Variants in SOBP observed in about 807,000 individuals in gnomAD.
SOBP encodes sine oculis-binding protein homolog.
Under a neutral mutation model 53.6 loss-of-function variants are expected in SOBP, and 4 were observed. The ratio of observed to expected loss-of-function variants is 0.07; its 90% CI spans 0.04 to 0.17. SOBP has a LOEUF of 0.17. SOBP is among the 10% of genes least tolerant of loss of function. The pLI, the probability that SOBP is intolerant of heterozygous loss-of-function variation, is 1.00. For missense variants in SOBP, 1,088 were observed against 1,204.7 expected, an observed-to-expected ratio of 0.90 and a Z score of 1.43; for synonymous variants, 584 against 522.6, an observed-to-expected ratio of 1.12 and a Z score of -1.60.
intron 3 of SOBP, 43 bp from the exon 4 acceptor site, chr6:107,533,416 G>A (rs1783899897): frequency 5.0e-6 from 8 of 1,608,536 alleles, no homozygotes; most frequent in Non-Finnish European, 6.8e-6. Context: ...TTGAAGGGAT[G>A]TTTGCTTCTG....
Position 107,634,730 on chromosome 6 carries a change from G to GC in SOBP, c.1892dup (p.Ala636ArgfsTer101). Reference sequence around the variant, plus strand: ...GTGGACCTGACGCGGCGCGCCGGCAGCCCCCCGGGCCCCCCGGGCGCGGGC... The same window carrying GC: ...GTGGACCTGACGCGGCGCGCCGGCAGCCCCCCCGGGCCCCCCGGGCGCGGGC... On this transcript the variant is annotated frameshift_variant, in exon 6 of 7. Coordinates refer to ENST00000317357, the MANE Select transcript of SOBP (RefSeq NM_018013.4). LOFTEE classifies it high-confidence loss of function. This position sits in a 1 kb window ranked among gnomAD's most constrained non-coding sequence, Gnocchi z 4.5. 4.5e-6 allele frequency: 6 copies of GC among 1,322,032 alleles called. No individual in the cohort carries two copies. The highest frequency in any genetic ancestry group is 4.2e-5 in the South Asian group (2 of 47,772). The allele number at this position is 1,322,032 out of a possible 1,614,324, so 81.9% of individuals were successfully genotyped here. A position where few individuals can be genotyped will look rare whatever the true frequency, so the allele number is the denominator to read the frequency against.
intron 5 of SOBP, among the ~76,000 whole-genome samples, chr6:107,592,682 C>T: frequency 6.6e-6 from 1 of 152,276 alleles, no homozygotes; most frequent in Admixed American, 6.5e-5. Flanking sequence ...TACTGTGTAC[C>T]AGTTTCCTGA....
intron 4 of SOBP, among the ~76,000 whole-genome samples, chr6:107,574,682 G>A (rs572591627): frequency 2.6e-5 from 4 of 152,026 alleles, no homozygotes; most frequent in Non-Finnish European, 4.4e-5. Context: ...CACCATCCTC[G>A]TTCTCCCATC....
Position 107,506,277 on chromosome 6 carries a change from A to G in SOBP, c.271A>G (p.Ser91Gly), listed in dbSNP as rs1782989476. The change falls in exon 3 of 7, where the codon AGT becomes GGT. Residue 91 changes from serine (S) to glycine (G), a missense_variant. Coordinates refer to ENST00000317357, the MANE Select transcript of SOBP (RefSeq NM_018013.4). Reference sequence around the variant, plus strand: ...GCCAAAACCAAAATTACCCGAGGACAGTGTTATTTCACCATACAATATAAG... The same window carrying G: ...GCCAAAACCAAAATTACCCGAGGACGGTGTTATTTCACCATACAATATAAG... ...SLPKPKLPEDSVISPYNISTG... is the reference protein window; with the variant it reads ...SLPKPKLPEDGVISPYNISTG... 1 of 1,614,196 alleles carries G rather than the reference A, an allele frequency of 6.2e-7. No homozygotes were observed. Among genetic ancestry groups the G allele is most frequent in the Non-Finnish European group, 8.5e-7 (1 of 1,180,030 alleles).
At chr6:107,516,260 G>A (rs1039872315) in intron 3 of SOBP, among the ~76,000 whole-genome samples, 4 of 152,074 alleles carry the variant, frequency 2.6e-5, no homozygotes, top group Non-Finnish European at 5.9e-5. Context: ...ACAGGAGTTC[G>A]AGACCAGCCC....
chr6:107,551,501 A>C (rs1205175887), intron 4 of SOBP, among the ~76,000 whole-genome samples: 3 of 152,222 alleles, frequency 2.0e-5, no homozygotes, highest in Non-Finnish European at 2.9e-5. Context: ...AGAAGGTATC[A>C]ATGAAGATTT....
chr6:107,633,977 T>G lies in SOBP; in HGVS notation c.1133T>G (p.Val378Gly). The G allele has an allele frequency of 6.2e-7, 1 of 1,614,092 alleles. No homozygotes were observed. Among genetic ancestry groups the G allele is most frequent in the Non-Finnish European group, 8.5e-7 (1 of 1,180,008 alleles). Residue 378 changes from valine to glycine, a missense_variant, in exon 6 of 7, where the codon GTC becomes GGC. By Grantham distance (109) the Val-to-Gly change is moderately radical. Around this residue, in one of 6 missense-constraint regions of SOBP, gnomAD observed 211 missense variants for 258.9 expected, o/e 0.82. Coordinates refer to ENST00000317357, the MANE Select transcript of SOBP (RefSeq NM_018013.4). The part of the protein sequence containing the change: ...PPASIGPPLG[V>G]PPRSPPMVMT... ...GCTAGCATCGGGCCTCCCCTTGGCG[T>G]CCCGCCTCGGAGCCCTCCCATGGTG...
rs1562133960 is a variant in SOBP, at chr6:107,659,795, G to GT, written c.*1596dup. 6.8e-6 allele frequency: 1 copy of GT among 146,564 alleles called. No individual in the cohort carries two copies. The highest frequency in any genetic ancestry group is 2.5e-5 in the African/African-American group (1 of 40,224). The allele number at this position is 146,564 out of a possible 1,614,324, so 9.1% of individuals were successfully genotyped here. A position where few individuals can be genotyped will look rare whatever the true frequency, so the allele number is the denominator to read the frequency against. ...GAGTCACTTCACAAGTCAAGCTACTGTTTTACAGGTGCTCCTTATTTATTA... is the reference window on the plus strand; with the variant it reads ...GAGTCACTTCACAAGTCAAGCTACTGTTTTTACAGGTGCTCCTTATTTATTA... On this transcript the variant is annotated 3_prime_UTR_variant, in exon 7 of 7. Transcript: ENST00000317357.
intron 1 of SOBP, among the ~76,000 whole-genome samples, chr6:107,494,082 C>G (rs1562569789): frequency 6.6e-6 from 1 of 152,158 alleles, no homozygotes; most frequent in African/African-American, 2.4e-5. Flanking sequence ...CTTTATCTTT[C>G]CTTTTCTTCT....
chr6:107,654,575 A>C (rs1392704422), intron 6 of SOBP, among the ~76,000 whole-genome samples: 1 of 152,226 alleles, frequency 6.6e-6, no homozygotes, highest in Non-Finnish European at 1.5e-5. Flanking sequence ...TTATAATTCT[A>C]CATATTTGAT....
intron 3 of SOBP, chr6:107,511,599 A>C (rs1285059061): frequency 6.6e-6 from 1 of 152,256 alleles, no homozygotes; most frequent in African/African-American, 2.4e-5. Context: ...GGCCCAGTGG[A>C]ATACTCGTGA....
At position 107,522,540 on chromosome 6, in the gene SOBP, T is replaced by TC. The variant is rs202077996; in HGVS notation, c.422-10919_422-10918insC. Among the ~76,000 whole-genome samples the TC allele has an allele frequency of 5.3e-3, 749 of 142,060 alleles. 24 individuals are homozygous for TC. In the East Asian group the frequency reaches 0.08, roughly 15 times the overall value. 93.2% of individuals were successfully genotyped at this position (142,060 alleles called of 152,430 possible). ...ATGATTGGGTGTAGTATAAAAACTT[T>TC]TTTTTTTTTTTTTTTTTTTGTGGCA... On this transcript the variant is annotated intron_variant, in intron 3 of 6. Transcript: ENST00000317357.
Position 107,635,391 on chromosome 6 carries a change from G to A in SOBP, c.2547G>A (p.Met849Ile). The A allele has an allele frequency of 1.2e-6, 2 of 1,613,444 alleles. No individual in the cohort carries two copies. Among genetic ancestry groups the A allele is most frequent in the African/African-American group, 1.3e-5 (1 of 75,038 alleles). Residue 849 changes from methionine (M) to isoleucine (I), a missense_variant, in exon 6 of 7, where the codon ATG (methionine) becomes ATA (isoleucine). Physicochemically the swap from Met to Ile is conservative, Grantham distance 10 (BLOSUM62 1). Transcript: ENST00000317357. This position sits in a 1 kb window ranked among gnomAD's most constrained non-coding sequence, Gnocchi z 4.5. Reference protein sequence around the residue: ...AMAPCIISSPMLSAGPEDLEP... With the variant: ...AMAPCIISSPILSAGPEDLEP... ...CACCGTGCATCATCTCCTCGCCCAT[G>A]CTCAGCGCCGGGCCTGAGGACCTGG...
At chr6:107,552,244 T>C (rs1784479954) in intron 4 of SOBP, among the ~76,000 whole-genome samples, 1 of 152,230 alleles carries the variant, frequency 6.6e-6, no homozygotes, top group African/African-American at 2.4e-5. Flanking sequence ...GTGGGCTCTC[T>C]TAGCAGAGTT....
chr6:107,507,308 A>T (rs995819064), intron 3 of SOBP, among the ~76,000 whole-genome samples: 3 of 151,686 alleles, frequency 2.0e-5, no homozygotes, highest in Non-Finnish European at 2.9e-5. Flanking sequence ...TGAGATTTAA[A>T]TTTTTTTGTT....
chr6:107,625,302 C>A (rs993468700), intron 5 of SOBP, among the ~76,000 whole-genome samples: 13 of 152,144 alleles, frequency 8.5e-5, no homozygotes, highest in Admixed American at 2.0e-4. Flanking sequence ...CTGAGTTGGG[C>A]AACTTAGGGT....
chr6:107,498,193 A>G (rs907726625), intron 1 of SOBP, among the ~76,000 whole-genome samples: 5 of 152,154 alleles, frequency 3.3e-5, no homozygotes, highest in Non-Finnish European at 7.3e-5. Context: ...TAGATGACAT[A>G]TTTTACTAGA....
chr6:107,634,032 C>T lies in SOBP; in HGVS notation c.1188C>T (p.Pro396=). The T allele has an allele frequency of 6.2e-7, 1 of 1,611,108 alleles. No individual in the cohort carries two copies. Among genetic ancestry groups the T allele is most frequent in the African/African-American group, 1.3e-5 (1 of 75,034 alleles). The change falls in exon 6 of 7, where the codon CCC becomes CCT. Residue 396 remains proline (P), a synonymous_variant. Transcript: ENST00000317357. This position sits in a 1 kb window ranked among gnomAD's most constrained non-coding sequence, Gnocchi z 4.5. ...CCAACCGCGGCCCGGTGCCGCTGCC[C>T]ATCTTCATGGAGCAGCAGATCATGC... The part of the protein sequence containing the change: ...VMTNRGPVPL[P]IFMEQQIMQQ...
chr6:107,655,486 T>A (rs1250764047), intron 6 of SOBP, among the ~76,000 whole-genome samples: 4 of 152,108 alleles, frequency 2.6e-5, no homozygotes, highest in African/African-American at 9.7e-5. Flanking sequence ...ACAGCAAGTA[T>A]GTGGTGAGAG....
Sources: gnomAD v4.1 joint callset for allele counts (sites outside exome capture counted in the v4.1 genomes callset) on GRCh38, gnomAD v4.1.1 for gene constraint, gnomAD v4.1.1 regional missense constraint, Gnocchi (gnomAD v3.1) non-coding constraint, MANE v1.5 for transcripts, NCBI Gene and HGNC (gene_info 2026-07-23, HGNC 2026-07-21) for gene names.